The following DLG2 variants were observed in gnomAD, a reference collection of about 807,000 sequenced individuals.
DLG2 encodes disks large homolog 2.
A neutral mutation model predicts 132.5 loss-of-function variants in DLG2; 45 were observed. The observed-to-expected ratio is 0.34, with a 90% CI of 0.27 to 0.44. The LOEUF is 0.44. Ranked by LOEUF, DLG2 falls within the 20% of genes least tolerant of loss-of-function variation. The probability of loss-of-function intolerance (pLI) is 1.00; values close to 1 mark genes in which losing one functional copy is unlikely to be tolerated. For missense variants in DLG2, 1,045 were observed against 1,196.9 expected (o/e 0.87, Z 1.87); for synonymous variants, 424 against 419.6 (o/e 1.01, Z -0.13).
At chr11:85,599,053 G>C (rs1254461850) in intron 2 of DLG2, among the ~76,000 whole-genome samples, 2 of 152,270 alleles carry the variant, frequency 1.3e-5, no homozygotes, top group East Asian at 3.9e-4. Context: ...CGATGTTCAA[G>C]TTAGATATAA....
At chr11:84,331,447 A>AT (rs1279991894) in intron 7 of DLG2, among the ~76,000 whole-genome samples, 4 of 115,792 alleles carry the variant, frequency 3.5e-5, no homozygotes, top group East Asian at 4.8e-4. Context: ...ATCTCAAAAA[A>AT]AAAAAAAAAA....
At chr11:84,776,608 G>T (rs1041811055) in intron 6 of DLG2, among the ~76,000 whole-genome samples, 7 of 152,044 alleles carry the variant, frequency 4.6e-5, no homozygotes, top group Non-Finnish European at 7.4e-5. Flanking sequence ...TCTGATTTCT[G>T]TCCAAAAAGT....
intron 8 of DLG2, among the ~76,000 whole-genome samples, chr11:84,177,466 T>G (rs1222440059): frequency 6.6e-6 from 1 of 152,202 alleles, no homozygotes; most frequent in Non-Finnish European, 1.5e-5. Context: ...AGGCTTTGGA[T>G]TCAGTCAGAC....
At chr11:84,441,634 T>G (rs533979838) in intron 7 of DLG2, among the ~76,000 whole-genome samples, 1 of 152,142 alleles carries the variant, frequency 6.6e-6, no homozygotes, top group Non-Finnish European at 1.5e-5. Flanking sequence ...CATATTCTCA[T>G]TAGTACTTGT....
At chr11:85,285,885 A>G (rs2078521286) in intron 3 of DLG2, among the ~76,000 whole-genome samples, 1 of 151,996 alleles carries the variant, frequency 6.6e-6, no homozygotes, top group Non-Finnish European at 1.5e-5. Context: ...ATGATACTGT[A>G]GTGTTGGACA....
intron 7 of DLG2, among the ~76,000 whole-genome samples, chr11:84,419,019 G>C (rs1273803204): frequency 1.3e-5 from 2 of 152,042 alleles, no homozygotes; most frequent in African/African-American, 4.8e-5. Flanking sequence ...AACTCCTTAA[G>C]GGCAAATGTT....
chr11:84,867,718 C>A (rs553857303), intron 6 of DLG2, among the ~76,000 whole-genome samples: 72 of 152,246 alleles, frequency 4.7e-4, no homozygotes, highest in African/African-American at 1.7e-3. Flanking sequence ...GCTGACAAAT[C>A]CTGAGAATGT....
intron 21 of DLG2, among the ~76,000 whole-genome samples, chr11:83,489,575 C>A (rs563561595): frequency 1.0e-3 from 158 of 152,014 alleles, no homozygotes; most frequent in African/African-American, 3.7e-3. Context: ...CTTGTTGATC[C>A]ACTAATTGTC....
intron 6 of DLG2, among the ~76,000 whole-genome samples, chr11:84,840,164 C>G (rs1012909594): frequency 2.6e-5 from 4 of 151,932 alleles, no homozygotes; most frequent in African/African-American, 9.7e-5. Flanking sequence ...ACAACCTCAT[C>G]AAAAAGGGGG....
intron 3 of DLG2, among the ~76,000 whole-genome samples, chr11:85,509,238 G>C (rs2094003137): frequency 6.6e-6 from 1 of 151,940 alleles, no homozygotes; most frequent in Admixed American, 6.6e-5. Context: ...GAAACCAAGA[G>C]TTTTTCTTCA....
intron 3 of DLG2, among the ~76,000 whole-genome samples, chr11:85,537,517 A>AATCTTC (rs1243570053): frequency 6.6e-6 from 1 of 150,838 alleles, no homozygotes; most frequent in African/African-American, 2.5e-5. Flanking sequence ...GGGATGAACA[A>AATCTTC]CTCCAGACGG....
chr11:84,457,203 T>G (rs894709245), intron 7 of DLG2, among the ~76,000 whole-genome samples: 1 of 151,018 alleles, frequency 6.6e-6, no homozygotes, highest in Non-Finnish European at 1.5e-5. Flanking sequence ...TATCAAATAG[T>G]TATCATTTAT....
intron 3 of DLG2, among the ~76,000 whole-genome samples, chr11:85,478,842 C>T (rs529210241): frequency 1.3e-5 from 2 of 152,184 alleles, no homozygotes; most frequent in East Asian, 1.9e-4. Flanking sequence ...AATAAGTCAA[C>T]AAAAATTGTG....
chr11:83,588,267 C>G lies in DLG2; in HGVS notation c.1940+44944G>C, dbSNP rs547547892. Among the ~76,000 whole-genome samples, 50 of 150,640 alleles carry G rather than the reference C, an allele frequency of 3.3e-4. 2 individuals are homozygous for G. The highest frequency in any genetic ancestry group is 1.2e-3 in the African/African-American group (49 of 40,192). ...GCTTTGAAGAGAGCAGTAGTTCTCC[C>G]AGCACGCAGCTGGAGATCTGAGAAC... On this transcript the variant is annotated intron_variant, in intron 19 of 27. Transcript: ENST00000376104.
chr11:84,941,059 G>A (rs181170854), intron 6 of DLG2, among the ~76,000 whole-genome samples: 59 of 152,036 alleles, frequency 3.9e-4, no homozygotes, highest in African/African-American at 1.3e-3. Context: ...TTATTTCTGG[G>A]TTTTCTATTA....
At chr11:84,994,987 T>C (rs1158434970) in intron 6 of DLG2, among the ~76,000 whole-genome samples, 3 of 152,150 alleles carry the variant, frequency 2.0e-5, no homozygotes, top group Non-Finnish European at 2.9e-5. Context: ...TGGAGACTTC[T>C]GAATGCAAGA....
chr11:84,898,125 A>G (rs1348327040), intron 6 of DLG2, among the ~76,000 whole-genome samples: 1 of 151,978 alleles, frequency 6.6e-6, no homozygotes, highest in Non-Finnish European at 1.5e-5. Flanking sequence ...GTCACTTTAT[A>G]TAATTAAAAT....
chr11:83,884,865 A>G (rs540432862), intron 15 of DLG2, among the ~76,000 whole-genome samples: 1 of 152,324 alleles, frequency 6.6e-6, no homozygotes, highest in South Asian at 2.1e-4. Flanking sequence ...AGCAAACTCC[A>G]ACAGACCTGC....
intron 2 of DLG2, among the ~76,000 whole-genome samples, chr11:85,622,377 A>T (rs1010428905): frequency 1.3e-5 from 2 of 151,934 alleles, no homozygotes; most frequent in African/African-American, 4.8e-5. Flanking sequence ...CTGGAACCTA[A>T]CCCGCAATAT....
Sources: gnomAD v4.1 joint callset for allele counts (sites outside exome capture counted in the v4.1 genomes callset) on GRCh38, gnomAD v4.1.1 for gene constraint, MANE v1.5 for transcripts, NCBI Gene and HGNC (gene_info 2026-07-23, HGNC 2026-07-21) for gene names.